Variants in ADGRD1 observed in about 807,000 individuals in gnomAD.
ADGRD1 encodes the protein adhesion G protein-coupled receptor D1.
Under a neutral mutation model 113.4 loss-of-function variants are expected in ADGRD1, and 77 were observed. The observed-to-expected ratio is 0.68, with a 90% confidence interval of 0.57 to 0.82. ADGRD1 has a LOEUF of 0.82. ADGRD1 is among the 40% of genes least tolerant of loss of function. The pLI, the probability that ADGRD1 is intolerant of heterozygous loss-of-function variation, is 0.00. For synonymous variants in ADGRD1, 474 were observed against 475.0 expected, an observed-to-expected ratio of 1.00 and a Z score of 0.03; for missense variants, 1,036 against 1,139.1, an observed-to-expected ratio of 0.91 and a Z score of 1.30.
At position 131,041,939 on chromosome 12, in the gene ADGRD1, G is replaced by T. The variant is rs996286128; in HGVS notation, c.1473+27599G>T. ...GGGTTTGTTATCCGAGTCCCCCTGC[G>T]AGGAGAAGGCGCCGATGACCTAGGG... is the stretch of plus-strand genomic sequence containing the variant. On this transcript the variant is annotated intron_variant, in intron 13 of 24. Transcript: ENST00000261654. The surrounding 1 kb of genome is among the most constrained non-coding windows in gnomAD (Gnocchi z 4.4). Among the ~76,000 whole-genome samples, 1 of 152,044 alleles carries T rather than the reference G, an allele frequency of 6.6e-6. No homozygotes were observed. The highest frequency in any genetic ancestry group is 2.4e-5 in the African/African-American group (1 of 41,390).
intron 20 of ADGRD1, among the ~76,000 whole-genome samples, chr12:131,125,366 G>T (rs1446162043): frequency 1.3e-5 from 2 of 152,144 alleles, no homozygotes; most frequent in East Asian, 3.9e-4. Context: ...CTTGTTCTGT[G>T]CTGGCCCCAC....
intron 13 of ADGRD1, among the ~76,000 whole-genome samples, chr12:131,048,469 C>G (rs1174817176): frequency 1.3e-5 from 2 of 152,196 alleles, no homozygotes; most frequent in Non-Finnish European, 2.9e-5. Context: ...GCCTGCCCAT[C>G]TTTCCCGGGT....
intron 5 of ADGRD1, among the ~76,000 whole-genome samples, chr12:130,985,017 G>T (rs972834523): frequency 2.6e-5 from 4 of 151,456 alleles, no homozygotes; most frequent in Admixed American, 6.6e-5. Context: ...TTACTGCAGC[G>T]TTTAACTCCA....
chr12:131,137,622 C>T (rs370497813), intron 23 of ADGRD1: 163 of 213,706 alleles, frequency 7.6e-4, no homozygotes, highest in African/African-American at 3.5e-3. Flanking sequence ...ATCTCAGTGG[C>T]GGTGTCCGTT....
rs755201657 is a variant in ADGRD1, at chr12:130,991,088, CA to C, written c.810+11del. 6.2e-7 allele frequency: 1 copy of C among 1,611,680 alleles called. No homozygotes were observed. ...CACAGCAAGCCCCGTGGTGAGCAGA[CA>C]CATCTTCCTTGGTCCCCCTTGCTGA... is the stretch of plus-strand genomic sequence containing the variant. On this transcript the variant is annotated intron_variant, in intron 7 of 24. Coordinates refer to ENST00000261654, the MANE Select transcript of ADGRD1 (RefSeq NM_198827.5).
Position 131,050,987 on chromosome 12 carries a change from G to T in ADGRD1, c.1474-25814G>T, listed in dbSNP as rs1255403172. Reference sequence around the variant, plus strand: ...TCCTAACAGGCCACGGGCTGGTCCCGGTTCACGGCCCGGGTGTTGGGAACC... The same window carrying T: ...TCCTAACAGGCCACGGGCTGGTCCCTGTTCACGGCCCGGGTGTTGGGAACC... On this transcript the variant is annotated intron_variant, in intron 13 of 24. Coordinates refer to ENST00000261654, the MANE Select transcript of ADGRD1 (RefSeq NM_198827.5). This position sits in a 1 kb window ranked among gnomAD's most constrained non-coding sequence, Gnocchi z 4.8. Among the ~76,000 whole-genome samples, 1 of 152,196 alleles carries T rather than the reference G, an allele frequency of 6.6e-6. No homozygotes were observed. The highest frequency in any genetic ancestry group is 2.4e-5 in the African/African-American group (1 of 41,442).
intron 19 of ADGRD1, among the ~76,000 whole-genome samples, chr12:131,120,009 C>T (rs745750258): frequency 2.0e-4 from 31 of 152,124 alleles, no homozygotes; most frequent in Non-Finnish European, 2.2e-4. Context: ...GTGATCATAG[C>T]GCCCACCTCA....
At chr12:131,085,249 G>C (rs1016433162) in intron 15 of ADGRD1, among the ~76,000 whole-genome samples, 2 of 152,226 alleles carry the variant, frequency 1.3e-5, no homozygotes, top group Non-Finnish European at 2.9e-5. Context: ...GAGCGGTGAG[G>C]AGAGGTGTCT....
At chr12:131,136,497 C>T (rs373607658) in intron 22 of ADGRD1, among the ~76,000 whole-genome samples, 1 of 152,220 alleles carries the variant, frequency 6.6e-6, no homozygotes, top group Non-Finnish European at 1.5e-5. Flanking sequence ...GTGCTGCCCT[C>T]TGTGTGAAGG....
In ADGRD1 at chr12:131,138,151, C is replaced by T. The variant is rs1243516664; in HGVS notation, c.2451C>T (p.Phe817=). 1 of 1,613,528 alleles carries T rather than the reference C, an allele frequency of 6.2e-7. No individual in the cohort carries two copies. The highest frequency in any genetic ancestry group is 8.5e-7 in the Non-Finnish European group (1 of 1,179,962). ...CCGCTTTCAAGGTGAGAGCCGCCTTCAAGCACAAAACCAAGGTCTGGTCGC... is the reference window on the plus strand; with the variant it reads ...CCGCTTTCAAGGTGAGAGCCGCCTTTAAGCACAAAACCAAGGTCTGGTCGC... ...CLLNSEVRAA[F]KHKTKVWSLT... Residue 817 remains phenylalanine (F), a synonymous_variant, in exon 24 of 25, where the codon TTC becomes TTT. Coordinates refer to ENST00000261654, the MANE Select transcript of ADGRD1 (RefSeq NM_198827.5).
chr12:131,134,438 C>G (rs1229871622), intron 21 of ADGRD1, among the ~76,000 whole-genome samples: 1 of 152,224 alleles, frequency 6.6e-6, no homozygotes, highest in African/African-American at 2.4e-5. Flanking sequence ...TAAGAAAAGT[C>G]AAACCATCAC....
intron 20 of ADGRD1, among the ~76,000 whole-genome samples, chr12:131,128,827 G>A (rs1369263516): frequency 1.3e-5 from 2 of 152,302 alleles, no homozygotes; most frequent in East Asian, 3.9e-4. Flanking sequence ...TAGAGTGGGT[G>A]TGGGCAGCAG....
chr12:131,063,403 C>T (rs1231334149), intron 13 of ADGRD1, among the ~76,000 whole-genome samples: 2 of 152,122 alleles, frequency 1.3e-5, no homozygotes, highest in Non-Finnish European at 2.9e-5. Context: ...AAGATTTTCT[C>T]CTTTGTTTTT....
chr12:131,039,805 T>C (rs1881933393), intron 13 of ADGRD1, among the ~76,000 whole-genome samples: 1 of 152,232 alleles, frequency 6.6e-6, no homozygotes, highest in Non-Finnish European at 1.5e-5. Flanking sequence ...TGCTTTAAAA[T>C]AATGAATTAC....
rs115867394 is a variant in ADGRD1, at chr12:131,065,245, C to G, written c.1474-11556C>G. Among the ~76,000 whole-genome samples, 1,013 of 152,222 alleles carry G rather than the reference C, an allele frequency of 6.7e-3. 8 individuals are homozygous for G. The highest frequency in any genetic ancestry group is 0.023 in the African/African-American group (965 of 41,534). Reference sequence around the variant, plus strand: ...GTGGCTCAGTAGAGGTGAGAGAAAACGGAGTGACAGGGTGGCTTGGGAAGC... The same window carrying G: ...GTGGCTCAGTAGAGGTGAGAGAAAAGGGAGTGACAGGGTGGCTTGGGAAGC... On this transcript the variant is annotated intron_variant, in intron 13 of 24. Transcript: ENST00000261654.
At chr12:131,011,522 G>A (rs892517037) in intron 12 of ADGRD1, among the ~76,000 whole-genome samples, 2 of 152,126 alleles carry the variant, frequency 1.3e-5, no homozygotes, top group Non-Finnish European at 2.9e-5. Context: ...GTCAGGCGTG[G>A]TTCCGGGAGC....
At position 130,982,074 on chromosome 12, in the gene ADGRD1, G is replaced by A. The variant is rs1383638752; in HGVS notation, c.490+11G>A. ...CCTTCAGCCCCCCAGGTGAGTGACA[G>A]CATCGGTCCCGGGAGGCTCTGCCTG... On this transcript the variant is annotated intron_variant, in intron 5 of 24. Transcript: ENST00000261654. 1.2e-6 allele frequency: 2 copies of A among 1,610,648 alleles called. No individual in the cohort carries two copies. The highest frequency in any genetic ancestry group is 3.3e-5 in the Admixed American group (2 of 59,870).
intron 21 of ADGRD1, among the ~76,000 whole-genome samples, chr12:131,133,513 C>T (rs1052152460): frequency 2.0e-5 from 3 of 152,224 alleles, no homozygotes; most frequent in Non-Finnish European, 2.9e-5. Context: ...ATGCCCAGGT[C>T]TTTGCAGGGC....
chr12:131,060,082 G>A lies in ADGRD1; in HGVS notation c.1474-16719G>A, dbSNP rs1158490891. On this transcript the variant is annotated intron_variant, in intron 13 of 24. Transcript: ENST00000261654. This position sits in a 1 kb window ranked among gnomAD's most constrained non-coding sequence, Gnocchi z 4.4. ...TACTGCGGCGTGGGGGTGAAAGTCCGAGTGCCTGCTCTGTGTCCCTTGGAG... is the reference window on the plus strand; with the variant it reads ...TACTGCGGCGTGGGGGTGAAAGTCCAAGTGCCTGCTCTGTGTCCCTTGGAG... Among the ~76,000 whole-genome samples, 1 of 152,266 alleles carries A rather than the reference G, an allele frequency of 6.6e-6. No individual in the cohort carries two copies. The highest frequency in any genetic ancestry group is 1.5e-5 in the Non-Finnish European group (1 of 68,048).
Sources: allele counts gnomAD v4.1 joint callset (sites outside exome capture counted in the v4.1 genomes callset), GRCh38; gene constraint gnomAD v4.1.1; non-coding constraint Gnocchi (gnomAD v3.1); transcripts MANE v1.5; gene names NCBI Gene and HGNC (gene_info 2026-07-23, HGNC 2026-07-21).